The following IL3RA variants were observed in gnomAD, a reference collection of about 807,000 sequenced individuals.
IL3RA encodes interleukin-3 receptor subunit alpha.
In IL3RA, 73 loss-of-function variants were observed where a neutral mutation model predicts 52.3. The ratio of observed to expected loss-of-function variants is 1.40; its 90% CI spans 1.16 to 1.70. The LOEUF is 1.70. Ranked by LOEUF, IL3RA falls within the 40% of genes most tolerant of loss-of-function variation. The probability of loss-of-function intolerance (pLI) is 0.00; values close to 1 mark genes in which losing one functional copy is unlikely to be tolerated. For synonymous variants in IL3RA, 260 were observed against 194.0 expected (o/e 1.34, Z -2.83); for missense variants, 664 against 504.4 (o/e 1.32, Z -3.03).
chrX:1,346,131 G>A (rs1472760265), intron 3 of IL3RA, among the ~76,000 whole-genome samples: 1 of 151,728 alleles, frequency 6.6e-6, no homozygotes, highest in African/African-American at 2.4e-5. Context: ...TGGCCAACAC[G>A]GTGAAACGCT....
At chrX:1,354,890 A>G in intron 6 of IL3RA, among the ~76,000 whole-genome samples, 1 of 26,272 alleles carries the variant, frequency 3.8e-5, no homozygotes, top group East Asian at 1.6e-3. Context: ...AGGAGGAGGA[A>G]GGGGAGGATA....
Position 1,381,096 on chromosome X carries a change from G to C in IL3RA, c.1054G>C (p.Asp352His), listed in dbSNP as rs200916284. 6.2e-7 allele frequency: 1 copy of C among 1,613,782 alleles called. No homozygotes were observed. Among genetic ancestry groups the C allele is most frequent in the Admixed American group, 1.7e-5 (1 of 59,986 alleles). Residue 352 changes from aspartate to histidine, a missense_variant, in exon 11 of 12, where the codon GAC becomes CAC. Transcript: ENST00000331035. ...KDPIGDSFQNDKLVVWEAGKA... is the reference protein window; with the variant it reads ...KDPIGDSFQNHKLVVWEAGKA... The stretch of plus-strand genomic sequence containing the variant: ...CCCCATCGGTGACAGCTTCCAAAAC[G>C]ACAAGCTGGTATGTTGTTTTTTCTG...
chrX:1,338,802 AGTG>A lies in IL3RA; in HGVS notation c.-39+1882_-39+1884del, dbSNP rs763328696. ...TCGTGACAATGTTCTAGAAGATAGA[AGTG>A]GTGGTTTTTTTTGAGACAGAGTCTC... On this transcript the variant is annotated intron_variant, in intron 1 of 11. Transcript: ENST00000331035. 5.3e-4 allele frequency among the ~76,000 whole-genome samples: 76 copies of A among 144,194 alleles called. 1 individual carries two copies. In the East Asian group the frequency reaches 0.013, roughly 26 times the overall value. The allele number at this position is 144,194 out of a possible 152,430, so 94.6% of individuals were successfully genotyped here.
At chrX:1,348,034 CTCAAAA>C (rs2085840887) in intron 3 of IL3RA, among the ~76,000 whole-genome samples, 1 of 81,096 alleles carries the variant, frequency 1.2e-5, no homozygotes, top group African/African-American at 4.4e-5. Context: ...GAGACTCCCT[CTCAAAA>C]AAAAAAAAAA....
intron 2 of IL3RA, among the ~76,000 whole-genome samples, chrX:1,342,563 T>C (rs192282639): frequency 0.011 from 1,562 of 147,918 alleles, 22 homozygotes; most frequent in Non-Finnish European, 0.012. Flanking sequence ...TAACTTCTTT[T>C]TTTTTTTTTT....
chrX:1,344,094 G>C, intron 2 of IL3RA, among the ~76,000 whole-genome samples: 1 of 152,100 alleles, frequency 6.6e-6, no homozygotes, highest in Middle Eastern at 3.4e-3. Context: ...ACGCCCGTTT[G>C]CTTTATGACT....
At chrX:1,365,079 G>A (rs1490293325) in intron 8 of IL3RA, 59 bp from the exon 9 acceptor site, 1 of 1,316,494 alleles carries the variant, frequency 7.6e-7, no homozygotes, top group Admixed American at 1.7e-5. Context: ...TAAGTGCCCA[G>A]GTGAGAGTCA....
chrX:1,377,720 CAG>C (rs2088876874), intron 9 of IL3RA, among the ~76,000 whole-genome samples: 1 of 146,720 alleles, frequency 6.8e-6, no homozygotes, highest in Non-Finnish European at 1.5e-5. Context: ...GGCTGGAGGG[CAG>C]TGGCGCGATC....
At position 1,345,400 on chromosome X, in the gene IL3RA, T is replaced by C. The variant is rs780085579; in HGVS notation, c.149T>C (p.Ile50Thr). ...TWDLNRNVTD[I>T]ECVKDADYSM... Reference sequence around the variant, plus strand: ...GACCTTAACAGAAATGTGACCGATATCGAGTGTGTTAAAGACGCCGACTAT... The same window carrying C: ...GACCTTAACAGAAATGTGACCGATACCGAGTGTGTTAAAGACGCCGACTAT... Residue 50 changes from isoleucine (I) to threonine (T), a missense_variant, in exon 3 of 12, where the codon ATC becomes ACC. By Grantham distance (89) the Ile-to-Thr change is moderately conservative (BLOSUM62 -1). Coordinates refer to ENST00000331035, the MANE Select transcript of IL3RA (RefSeq NM_002183.4). 2 of 1,609,594 alleles carry C rather than the reference T, an allele frequency of 1.2e-6. No homozygotes were observed. Among genetic ancestry groups the C allele is most frequent in the South Asian group, 1.1e-5 (1 of 90,526 alleles).
chrX:1,377,886 A>AG lies in IL3RA; in HGVS notation c.875-772dup, dbSNP rs1231998397. Among the ~76,000 whole-genome samples the AG allele has an allele frequency of 2.6e-4, 39 of 148,432 alleles. No homozygotes were observed. In the East Asian group the frequency reaches 4.3e-3, roughly 16 times the overall value. On this transcript the variant is annotated intron_variant, in intron 9 of 11. Transcript: ENST00000331035. ...AGACTCTGTCTCAAAAAAAAAAAAA[A>AG]GAAAAAAGAAAAAAAATAGGCCGGG... is the stretch of plus-strand genomic sequence containing the variant.
chrX:1,376,843 A>T lies in IL3RA; in HGVS notation c.875-1816A>T, dbSNP rs1702245487. Among the ~76,000 whole-genome samples the T allele has an allele frequency of 2.7e-5, 2 of 74,396 alleles. 1 individual carries two copies. Among genetic ancestry groups the T allele is most frequent in the Non-Finnish European group, 4.7e-5 (2 of 42,222 alleles). The allele number at this position is 74,396 out of a possible 152,430, so 48.8% of individuals were successfully genotyped here. On this transcript the variant is annotated intron_variant, in intron 9 of 11. Transcript: ENST00000331035. ...ATAAAAAGGAGATGAGGACACAGAC[A>T]CACACGGAGGGACGACCCTGTGGGA...
At chrX:1,357,918 T>C (rs1489160462) in intron 7 of IL3RA, among the ~76,000 whole-genome samples, 11 of 149,920 alleles carry the variant, frequency 7.3e-5, no homozygotes, top group Non-Finnish European at 1.5e-4. Flanking sequence ...CTGGCTAACA[T>C]GGTAAAACCC....
chrX:1,382,533 TG>T lies in IL3RA; in HGVS notation c.*70del. Reference sequence around the variant, plus strand: ...GGCCGGGCCAGGCGCCTGCACAGACTGGCTGCTGGACCTGCGCACGCAGCCC... The same window carrying T: ...GGCCGGGCCAGGCGCCTGCACAGACTGCTGCTGGACCTGCGCACGCAGCCC... On this transcript the variant is annotated 3_prime_UTR_variant, in exon 12 of 12. Transcript: ENST00000331035. The T allele has an allele frequency of 1.4e-6, 2 of 1,443,430 alleles. No homozygotes were observed. Among genetic ancestry groups the T allele is most frequent in the Non-Finnish European group, 2.0e-6 (2 of 1,024,786 alleles). The allele number at this position is 1,443,430 out of a possible 1,614,324, so 89.4% of individuals were successfully genotyped here.
At chrX:1,344,445 G>A (rs2085637931) in intron 2 of IL3RA, among the ~76,000 whole-genome samples, 1 of 149,360 alleles carries the variant, frequency 6.7e-6, no homozygotes, top group Non-Finnish European at 1.5e-5. Flanking sequence ...AAACAAACAA[G>A]CAAACAAAAA....
intron 4 of IL3RA, 114 bp downstream of exon 4, chrX:1,348,659 T>TTTCC (rs1491156604): frequency 2.3e-6 from 1 of 435,478 alleles, no homozygotes; most frequent in East Asian, 3.5e-5. Context: ...TCTTTCTTTC[T>TTTCC]TTCTTTCTTT....
Position 1,348,308 on chromosome X carries a change from A to G in IL3RA, c.184-123A>G, listed in dbSNP as rs17886012. The G allele has an allele frequency of 0.024, 17,539 of 741,352 alleles. 1,981 individuals are homozygous for G. The African/African-American group carries it at 0.26, about 11-fold the overall frequency. 45.9% of individuals were successfully genotyped at this position (741,352 alleles called of 1,614,324 possible). On this transcript the variant is annotated intron_variant, in intron 3 of 11. Coordinates refer to ENST00000331035, the MANE Select transcript of IL3RA (RefSeq NM_002183.4). ...GGAGAGGCTGCAGTGAGCCGAGATCACGCCACTGCACTCCAGCGTGGGCGA... is the reference window on the plus strand; with the variant it reads ...GGAGAGGCTGCAGTGAGCCGAGATCGCGCCACTGCACTCCAGCGTGGGCGA...
intron 2 of IL3RA, among the ~76,000 whole-genome samples, chrX:1,343,095 T>C (rs2085560151): frequency 6.6e-6 from 1 of 151,804 alleles, no homozygotes; most frequent in Admixed American, 6.6e-5. Flanking sequence ...AATGAATGAA[T>C]GAATTTCTTA....
intron 2 of IL3RA, among the ~76,000 whole-genome samples, chrX:1,343,206 C>G (rs1372499305): frequency 2.0e-5 from 3 of 152,040 alleles, no homozygotes; most frequent in Non-Finnish European, 4.4e-5. Context: ...ATGCTTTGGT[C>G]CCGCTTATCA....
At chrX:1,354,008 T>A (rs2086404555) in intron 6 of IL3RA, among the ~76,000 whole-genome samples, 2 of 130,082 alleles carry the variant, frequency 1.5e-5, no homozygotes, top group South Asian at 2.7e-4. Context: ...GCCCCCATTG[T>A]GAGTCATGGA....
Sources: gnomAD v4.1 joint callset for allele counts (sites outside exome capture counted in the v4.1 genomes callset) on GRCh38, gnomAD v4.1.1 for gene constraint, MANE v1.5 for transcripts, NCBI Gene and HGNC (gene_info 2026-07-23, HGNC 2026-07-21) for gene names.